Variants in ZNF195 observed in about 807,000 individuals in gnomAD.
ZNF195 encodes the protein hypoxia-regulated factor-1.
Under a neutral mutation model 19.5 loss-of-function variants are expected in ZNF195, and 11 were observed. The observed-to-expected ratio is 0.57, with a 90% CI of 0.36 to 0.94. The LOEUF (loss-of-function observed/expected upper bound fraction) is 0.94. ZNF195 is among the 40% of genes least tolerant of loss of function. The pLI is 0.01. For synonymous variants in ZNF195, 214 were observed against 248.1 expected (o/e 0.86, Z 1.29); for missense variants, 582 against 709.0 (o/e 0.82, Z 2.03).
chr11:3,368,711 C>T lies in ZNF195; in HGVS notation c.226+2264G>A, dbSNP rs565409610. 209 of 357,430 alleles carry T rather than the reference C, an allele frequency of 5.8e-4. 3 individuals carry two copies. The highest frequency in any genetic ancestry group is 4.4e-3 in the South Asian group (197 of 44,752). 22.1% of individuals were successfully genotyped at this position (357,430 alleles called of 1,614,324 possible). ...ACAGTAGTAAGAACAGGATGGTATG[C>T]GAACAGAGAGGAAAACTGCCGCAGA... On this transcript the variant is annotated intron_variant, in intron 3 of 5. Transcript: ENST00000399602.
chr11:3,377,495 G>C, intron 1 of ZNF195: 1 of 828,054 alleles, frequency 1.2e-6, no homozygotes, highest in Non-Finnish European at 1.5e-6. Flanking sequence ...AGAGTCCAAA[G>C]GGCAGAAATG....
At chr11:3,367,816 A>G (rs35929174) in intron 3 of ZNF195, among the ~76,000 whole-genome samples, 19,696 of 152,066 alleles carry the variant, frequency 0.13, 1,698 homozygotes, top group East Asian at 0.42. Context: ...TCACGCCTGT[A>G]ATCCTGACAC....
Position 3,358,764 on chromosome 11 carries a change from C to CAGTG in ZNF195, c.*353_*354insCACT. 1 of 3,446 alleles carries CAGTG rather than the reference C, an allele frequency of 2.9e-4. No individual in the cohort carries two copies. Among genetic ancestry groups the CAGTG allele is most frequent in the Non-Finnish European group, 5.3e-4 (1 of 1,880 alleles). The allele number at this position is 3,446 out of a possible 1,614,324, so 0.2% of individuals were successfully genotyped here. On this transcript the variant is annotated 3_prime_UTR_variant, in exon 6 of 6. Transcript: ENST00000399602. ...GATTCAGTGTCATTTCTGAACGTGT[C>CAGTG]CTTGCTTATTTTTCCCATTTAGTGT...
At chr11:3,374,678 G>A (rs112579794) in intron 1 of ZNF195, among the ~76,000 whole-genome samples, 117 of 152,300 alleles carry the variant, frequency 7.7e-4, no homozygotes, top group Admixed American at 1.4e-3. Flanking sequence ...AGATATAGAT[G>A]AAGGGACCAG....
At chr11:3,362,682 A>C in intron 3 of ZNF195, 1 of 433,150 alleles carries the variant, frequency 2.3e-6, no homozygotes, top group Non-Finnish European at 4.2e-6. Context: ...GAAAGAGAGA[A>C]AGAAAAAGCT....
At chr11:3,378,023 G>A (rs924100343) in intron 1 of ZNF195, 13 of 849,116 alleles carry the variant, frequency 1.5e-5, no homozygotes, top group Non-Finnish European at 1.8e-5. Flanking sequence ...AAAAAGTGCC[G>A]TCCAGGCTGG....
intron 2 of ZNF195, 85 bp from the exon 3 acceptor site, chr11:3,371,155 AT>A: frequency 1.6e-6 from 2 of 1,268,550 alleles, no homozygotes; most frequent in Non-Finnish European, 2.2e-6. Flanking sequence ...AGTGAACATT[AT>A]ATAAGATTCT....
intron 3 of ZNF195, chr11:3,362,617 A>G: frequency 1.8e-6 from 1 of 561,894 alleles, no homozygotes; most frequent in Non-Finnish European, 3.2e-6. Flanking sequence ...AAGACACACA[A>G]AAGAAAATTT....
chr11:3,361,243 A>T (rs1244782985), intron 4 of ZNF195, among the ~76,000 whole-genome samples: 3 of 152,196 alleles, frequency 2.0e-5, no homozygotes. Context: ...TTTGTTTTAG[A>T]TGACCCCAGG....
At chr11:3,370,831 G>T in intron 3 of ZNF195, 144 bp downstream of exon 3, 2 of 708,510 alleles carry the variant, frequency 2.8e-6, no homozygotes, top group African/African-American at 1.8e-5. Context: ...GACGCTCCTA[G>T]GGTACAGCAA....
At chr11:3,377,729 C>A in intron 1 of ZNF195, 2 of 1,091,158 alleles carry the variant, frequency 1.8e-6, no homozygotes, top group Non-Finnish European at 1.1e-6. Flanking sequence ...TAACCCAGGG[C>A]CTGAAATTCA....
chr11:3,378,947 C>T (rs1350337030), intron 1 of ZNF195, 91 bp downstream of exon 1: 8 of 1,293,500 alleles, frequency 6.2e-6, no homozygotes, highest in South Asian at 4.7e-5. Flanking sequence ...AGCCCGGAAC[C>T]CACCCGGGCA....
chr11:3,369,026 A>T (rs1989784), intron 3 of ZNF195, among the ~76,000 whole-genome samples: 10,103 of 152,290 alleles, frequency 0.066, 422 homozygotes, highest in Non-Finnish European at 0.094. Context: ...ACACGACACC[A>T]AAAGTACAGC....
chr11:3,378,686 A>G (rs934090011), intron 1 of ZNF195, among the ~76,000 whole-genome samples: 1 of 152,090 alleles, frequency 6.6e-6, no homozygotes, highest in African/African-American at 2.4e-5. Context: ...ACTCTTTCAC[A>G]TTTTTGCAAG....
intron 3 of ZNF195, chr11:3,369,498 G>A (rs59627776): frequency 0.01 from 4,671 of 452,458 alleles, 190 homozygotes; most frequent in African/African-American, 0.08. Flanking sequence ...AAACGTTTGC[G>A]GATGCTGAAT....
intron 1 of ZNF195, among the ~76,000 whole-genome samples, chr11:3,372,312 A>G (rs1311057613): frequency 6.6e-6 from 1 of 152,256 alleles, no homozygotes; most frequent in Non-Finnish European, 1.5e-5. Context: ...TATGCACATT[A>G]ATTAGTAAAT....
At chr11:3,372,801 G>A (rs1387457813) in intron 1 of ZNF195, among the ~76,000 whole-genome samples, 1 of 152,204 alleles carries the variant, frequency 6.6e-6, no homozygotes, top group South Asian at 2.1e-4. Context: ...GCGCGATCTC[G>A]GCTCACTGCT....
Position 3,357,991 on chromosome 11 carries a change from T to C in ZNF195, c.*1127A>G, listed in dbSNP as rs1238101646. 1 of 152,034 alleles carries C rather than the reference T, an allele frequency of 6.6e-6. No individual in the cohort carries two copies. The highest frequency in any genetic ancestry group is 1.5e-5 in the Non-Finnish European group (1 of 68,008). The allele number at this position is 152,034 out of a possible 1,614,324, so 9.4% of individuals were successfully genotyped here. A position where few individuals can be genotyped will look rare whatever the true frequency, so the allele number is the denominator to read the frequency against. On this transcript the variant is annotated 3_prime_UTR_variant, in exon 6 of 6. Coordinates refer to ENST00000399602, the MANE Select transcript of ZNF195 (RefSeq NM_001130520.3). ...CCACAGTTAGAGGAGGCAGCCCTGC[T>C]TACAGACTATAGCAGGTTTTTATAG...
intron 2 of ZNF195, 109 bp downstream of exon 2, chr11:3,371,468 G>A (rs2133718387): frequency 7.1e-7 from 1 of 1,405,362 alleles, no homozygotes; most frequent in East Asian, 2.4e-5. Flanking sequence ...TAAAAGCAGG[G>A]ATCTGAAACT....
Sources: gnomAD v4.1 joint callset for allele counts (sites outside exome capture counted in the v4.1 genomes callset) on GRCh38, gnomAD v4.1.1 for gene constraint, MANE v1.5 for transcripts, NCBI Gene and HGNC (gene_info 2026-07-23, HGNC 2026-07-21) for gene names.